The following TMEFF2 variants were observed in gnomAD, a reference collection of about 807,000 sequenced individuals.
TMEFF2 encodes tomoregulin-2.
TMEFF2 carries 28 observed loss-of-function variants against 53.8 expected under a neutral mutation model. The observed-to-expected ratio is 0.52, with a 90% CI of 0.39 to 0.71. TMEFF2 has a LOEUF of 0.71. Among genes scored for constraint, TMEFF2 ranks in the 30% least tolerant of loss-of-function variants. TMEFF2 has a pLI of 0.00. For missense variants in TMEFF2, 353 were observed against 455.2 expected (o/e 0.78, Z 2.04); for synonymous variants, 162 against 166.3 (o/e 0.97, Z 0.20).
intron 5 of TMEFF2, among the ~76,000 whole-genome samples, chr2:192,051,061 C>T (rs1376500038): frequency 6.6e-6 from 1 of 152,126 alleles, no homozygotes; most frequent in Non-Finnish European, 1.5e-5. Context: ...GCTACTGCAG[C>T]TTTCAGAGGT....
intron 4 of TMEFF2, among the ~76,000 whole-genome samples, chr2:192,063,215 C>A (rs1316914576): frequency 6.6e-6 from 1 of 151,840 alleles, no homozygotes; most frequent in African/African-American, 2.4e-5. Context: ...GCTTTAGTTG[C>A]ATACCACAAA....
At chr2:192,051,768 T>C (rs1454275489) in intron 5 of TMEFF2, among the ~76,000 whole-genome samples, 1 of 152,164 alleles carries the variant, frequency 6.6e-6, no homozygotes, top group Non-Finnish European at 1.5e-5. Context: ...GACAGGGAGC[T>C]TTCTCAGATC....
chr2:192,114,041 C>T (rs1418555094), intron 4 of TMEFF2, among the ~76,000 whole-genome samples: 3 of 146,194 alleles, frequency 2.1e-5, no homozygotes, highest in African/African-American at 7.6e-5. Flanking sequence ...TACTTGAGAA[C>T]AATATTGAAT....
At chr2:192,184,634 T>A (rs899078117) in intron 2 of TMEFF2, 151 bp from the exon 3 acceptor site, 27 of 1,060,108 alleles carry the variant, frequency 2.5e-5, no homozygotes, top group Non-Finnish European at 3.5e-5. Context: ...AAGGGCATCA[T>A]TGAAAGATGC....
intron 5 of TMEFF2, chr2:192,032,347 T>C (rs1687160544): frequency 6.6e-6 from 1 of 152,198 alleles, no homozygotes; most frequent in South Asian, 2.1e-4. Flanking sequence ...AAGGACCCTT[T>C]TGGCTTTGCA....
intron 5 of TMEFF2, among the ~76,000 whole-genome samples, chr2:192,016,306 C>A (rs904888999): frequency 6.6e-6 from 1 of 152,180 alleles, no homozygotes; most frequent in Admixed American, 6.5e-5. Flanking sequence ...GTCTACCTTT[C>A]TTTATTAACA....
chr2:191,963,592 A>G (rs1324388389), intron 7 of TMEFF2, among the ~76,000 whole-genome samples: 2 of 152,218 alleles, frequency 1.3e-5, no homozygotes, highest in Non-Finnish European at 2.9e-5. Flanking sequence ...TTGAGGCTAG[A>G]GCATTTACTG....
At chr2:192,154,491 T>C (rs1690460150) in intron 4 of TMEFF2, among the ~76,000 whole-genome samples, 1 of 151,970 alleles carries the variant, frequency 6.6e-6, no homozygotes, top group African/African-American at 2.4e-5. Flanking sequence ...AGTGGAGAGC[T>C]TCTATTTAGA....
intron 4 of TMEFF2, among the ~76,000 whole-genome samples, chr2:192,169,721 G>GAT (rs1291513091): frequency 3.9e-5 from 6 of 152,068 alleles, no homozygotes; most frequent in African/African-American, 1.4e-4. Flanking sequence ...AGGGTCTGAA[G>GAT]ATATAGATCT....
chr2:192,191,233 T>C (rs1209306295), intron 2 of TMEFF2, among the ~76,000 whole-genome samples: 1 of 152,170 alleles, frequency 6.6e-6, no homozygotes, highest in Non-Finnish European at 1.5e-5. Flanking sequence ...CTTTGTTAGT[T>C]AAAAGAAATT....
intron 4 of TMEFF2, among the ~76,000 whole-genome samples, chr2:192,091,927 G>A (rs1688798918): frequency 6.6e-6 from 1 of 152,098 alleles, no homozygotes; most frequent in Non-Finnish European, 1.5e-5. Flanking sequence ...TGCCTCTTCA[G>A]AAGGATTTTT....
chr2:192,014,170 T>C (rs1277294656), intron 5 of TMEFF2, among the ~76,000 whole-genome samples: 1 of 151,960 alleles, frequency 6.6e-6, no homozygotes, highest in East Asian at 1.9e-4. Flanking sequence ...TGGTATTTAA[T>C]TACCAAACAA....
intron 4 of TMEFF2, among the ~76,000 whole-genome samples, chr2:192,150,157 G>A (rs1690349787): frequency 6.6e-6 from 1 of 151,896 alleles, no homozygotes; most frequent in Non-Finnish European, 1.5e-5. Flanking sequence ...CACACAAGAT[G>A]TTTTAGATTT....
chr2:192,030,896 A>G (rs58165276), intron 5 of TMEFF2, among the ~76,000 whole-genome samples: 2,161 of 152,294 alleles, frequency 0.014, 63 homozygotes, highest in African/African-American at 0.049. Context: ...GATTAGAAGA[A>G]TAGAACAGAA....
chr2:192,103,596 C>A (rs1689082389), intron 4 of TMEFF2, among the ~76,000 whole-genome samples: 1 of 151,888 alleles, frequency 6.6e-6, no homozygotes, highest in African/African-American at 2.4e-5. Context: ...GTATCTAATT[C>A]TTTGTGTTAA....
At chr2:191,961,693 A>G (rs781154205) in intron 7 of TMEFF2, among the ~76,000 whole-genome samples, 1 of 152,142 alleles carries the variant, frequency 6.6e-6, no homozygotes, top group Non-Finnish European at 1.5e-5. Flanking sequence ...CAAAGAAGAT[A>G]TACAGTTCTT....
intron 4 of TMEFF2, among the ~76,000 whole-genome samples, chr2:192,130,564 C>T (rs530971112): frequency 2.0e-5 from 3 of 152,092 alleles, no homozygotes; most frequent in Non-Finnish European, 4.4e-5. Context: ...AGCGATTAAC[C>T]CTGTGAATTT....
chr2:192,077,866 C>G (rs1688469083), intron 4 of TMEFF2, among the ~76,000 whole-genome samples: 1 of 151,870 alleles, frequency 6.6e-6, no homozygotes, highest in East Asian at 1.9e-4. Flanking sequence ...CTTAACAAAA[C>G]TTCTATGTCT....
chr2:191,961,863 T>C (rs2105792940), intron 7 of TMEFF2, among the ~76,000 whole-genome samples: 1 of 152,270 alleles, frequency 6.6e-6, no homozygotes, highest in Admixed American at 6.5e-5. Flanking sequence ...CTTAACAGAT[T>C]CCACAATAAC....
Sources: gnomAD v4.1 joint callset for allele counts (sites outside exome capture counted in the v4.1 genomes callset) on GRCh38, gnomAD v4.1.1 for gene constraint, MANE v1.5 for transcripts, NCBI Gene and HGNC (gene_info 2026-07-23, HGNC 2026-07-21) for gene names.